ITGA9: variants seen among roughly 807,000 people sequenced by gnomAD.
ITGA9 encodes the protein integrin subunit alpha 9.
In ITGA9, 56 loss-of-function variants were observed where a neutral mutation model predicts 127.8. The observed-to-expected ratio is 0.44, with a 90% CI of 0.35 to 0.55. The LOEUF (loss-of-function observed/expected upper bound fraction) is 0.55, where lower values mean the gene tolerates loss of function less well. Among genes scored for constraint, ITGA9 ranks in the 20% least tolerant of loss-of-function variants. The probability of loss-of-function intolerance (pLI) is 0.00; values close to 1 mark genes in which losing one functional copy is unlikely to be tolerated. For synonymous variants in ITGA9, 508 were observed against 514.5 expected, an observed-to-expected ratio of 0.99 and a Z score of 0.17; for missense variants, 1,196 against 1,347.1, an observed-to-expected ratio of 0.89 and a Z score of 1.76.
At chr3:37,765,088 A>G (rs1019755208) in intron 23 of ITGA9, among the ~76,000 whole-genome samples, 1 of 152,164 alleles carries the variant, frequency 6.6e-6, no homozygotes, top group African/African-American at 2.4e-5. Flanking sequence ...TGCCGAGACC[A>G]TAGTGAGTGG....
chr3:37,499,794 G>GT (rs1698769957), intron 5 of ITGA9, among the ~76,000 whole-genome samples: 1 of 152,158 alleles, frequency 6.6e-6, no homozygotes, highest in Non-Finnish European at 1.5e-5. Context: ...AGAGCTGTTG[G>GT]TTTTAAAGGT....
chr3:37,696,716 CATG>C (rs1700888611), intron 18 of ITGA9, among the ~76,000 whole-genome samples: 1 of 152,178 alleles, frequency 6.6e-6, no homozygotes, highest in African/African-American at 2.4e-5. Context: ...CGAGTCTAAA[CATG>C]ATATTTCTGT....
chr3:37,575,223 G>C (rs1699641962), intron 15 of ITGA9, among the ~76,000 whole-genome samples: 1 of 152,134 alleles, frequency 6.6e-6, no homozygotes, highest in Admixed American at 6.5e-5. Context: ...AGATTGTCCT[G>C]TTTGCTGGTT....
chr3:37,512,017 T>C (rs941122413), intron 8 of ITGA9, among the ~76,000 whole-genome samples: 1 of 30,206 alleles, frequency 3.3e-5, no homozygotes, highest in Non-Finnish European at 7.7e-5. Context: ...TCTTTTCTTT[T>C]CTTTTCTTTT....
chr3:37,764,465 G>GAAAAA (rs1375981404), intron 23 of ITGA9, among the ~76,000 whole-genome samples: 3 of 8,674 alleles, frequency 3.5e-4, no homozygotes, highest in South Asian at 2.2e-3. Flanking sequence ...GAGATTCTCA[G>GAAAAA]TAAAAAAAAA....
chr3:37,767,023 G>A (rs780411099), intron 23 of ITGA9, among the ~76,000 whole-genome samples: 2 of 152,158 alleles, frequency 1.3e-5, no homozygotes, highest in African/African-American at 2.4e-5. Context: ...AGCCCATCCC[G>A]TTTTACAGGG....
chr3:37,822,566 T>A lies in ITGA9; in HGVS notation c.*3577T>A, dbSNP rs1390070921. The A allele has an allele frequency of 1.3e-5, 2 of 152,210 alleles. No individual in the cohort carries two copies. The highest frequency in any genetic ancestry group is 4.8e-5 in the African/African-American group (2 of 41,460). The allele number at this position is 152,210 out of a possible 1,614,324, so 9.4% of individuals were successfully genotyped here. ...TCAGCATCATGGGTACTCAGAGGTA[T>A]GGTAGACCTTGTAGAAGATCCACTA... On this transcript the variant is annotated 3_prime_UTR_variant, in exon 28 of 28. Coordinates refer to ENST00000264741, the MANE Select transcript of ITGA9 (RefSeq NM_002207.3).
At chr3:37,796,335 T>C (rs1697173272) in intron 26 of ITGA9, among the ~76,000 whole-genome samples, 1 of 152,198 alleles carries the variant, frequency 6.6e-6, no homozygotes, top group Non-Finnish European at 1.5e-5. Context: ...ATGATGCATT[T>C]ATTTTTCTAA....
At chr3:37,797,548 T>G (rs750299962) in intron 26 of ITGA9, among the ~76,000 whole-genome samples, 13 of 152,062 alleles carry the variant, frequency 8.5e-5, no homozygotes, top group Non-Finnish European at 1.8e-4. Flanking sequence ...GCAGAGTCTC[T>G]CCTTTAAAAA....
In ITGA9 at chr3:37,484,192, A is replaced by C. The variant is rs184103494; in HGVS notation, c.544+2585A>C. The stretch of plus-strand genomic sequence containing the variant: ...ATTGGCCCAGGGTGGGAAATAAGGG[A>C]TGGATGGGGCTGGCATGTGGAGTAT... On this transcript the variant is annotated intron_variant, in intron 4 of 27. Coordinates refer to ENST00000264741, the MANE Select transcript of ITGA9 (RefSeq NM_002207.3). Among the ~76,000 whole-genome samples the C allele has an allele frequency of 5.3e-3, 804 of 152,276 alleles. 13 individuals are homozygous for C. The highest frequency in any genetic ancestry group is 3.5e-3 in the Non-Finnish European group (236 of 68,028).
At chr3:37,561,928 G>C (rs955676621) in intron 15 of ITGA9, among the ~76,000 whole-genome samples, 1 of 152,156 alleles carries the variant, frequency 6.6e-6, no homozygotes, top group African/African-American at 2.4e-5. Flanking sequence ...GCACTATTGT[G>C]CTTCCTGTGT....
intron 15 of ITGA9, among the ~76,000 whole-genome samples, chr3:37,621,567 CCGA>C (rs1417165865): frequency 2.0e-5 from 3 of 152,216 alleles, no homozygotes. Context: ...ACCCCAGCCC[CCGA>C]CACACACACA....
chr3:37,515,309 C>T (rs566260534), intron 9 of ITGA9, among the ~76,000 whole-genome samples: 1 of 152,234 alleles, frequency 6.6e-6, no homozygotes, highest in Admixed American at 6.5e-5. Context: ...TCGAAGTGTA[C>T]TGTTAAGCAG....
At chr3:37,521,494 C>A (rs767463269) in intron 11 of ITGA9, among the ~76,000 whole-genome samples, 8 of 152,206 alleles carry the variant, frequency 5.3e-5, no homozygotes, top group Non-Finnish European at 1.0e-4. Flanking sequence ...CCCCTATGAT[C>A]CTTCTCTTGC....
At position 37,473,230 on chromosome 3, in the gene ITGA9, T is replaced by C. The variant is rs992417332; in HGVS notation, c.314-124T>C. ...GATTAAACAGTATAGTACATAGTGA[T>C]GGAGTTGATTTACATTTTGTGGAAA... On this transcript the variant is annotated intron_variant, in intron 2 of 27. Transcript: ENST00000264741. The C allele has an allele frequency of 5.7e-6, 4 of 697,404 alleles. No individual in the cohort carries two copies. The Admixed American group carries it at 8.2e-5, about 14-fold the overall frequency. 43.2% of individuals were successfully genotyped at this position (697,404 alleles called of 1,614,324 possible). A position where few individuals can be genotyped will look rare whatever the true frequency, so the allele number is the denominator to read the frequency against.
In ITGA9 at chr3:37,582,555, A is replaced by T. The variant is rs975231769; in HGVS notation, c.1689+39970A>T. Among the ~76,000 whole-genome samples the T allele has an allele frequency of 3.3e-5, 5 of 152,194 alleles. No homozygotes were observed. In the South Asian group the frequency reaches 1.0e-3, roughly 32 times the overall value. On this transcript the variant is annotated intron_variant, in intron 15 of 27. Transcript: ENST00000264741. Reference sequence around the variant, plus strand: ...GTTTTTCTCAGTAGAGTAAGTAGTGACTGCCTAGGTGGCAGGATTTTGGAT... The same window carrying T: ...GTTTTTCTCAGTAGAGTAAGTAGTGTCTGCCTAGGTGGCAGGATTTTGGAT...
At chr3:37,556,636 G>A (rs1036066584) in intron 15 of ITGA9, among the ~76,000 whole-genome samples, 2 of 152,220 alleles carry the variant, frequency 1.3e-5, no homozygotes, top group Non-Finnish European at 2.9e-5. Context: ...GATCTGAGGT[G>A]AATTTCTAGC....
intron 15 of ITGA9, among the ~76,000 whole-genome samples, chr3:37,542,854 G>T (rs1699288186): frequency 6.6e-6 from 1 of 152,050 alleles, no homozygotes; most frequent in Non-Finnish European, 1.5e-5. Flanking sequence ...TCTTTTGAGA[G>T]GTTTCTCATC....
intron 21 of ITGA9, among the ~76,000 whole-genome samples, chr3:37,742,206 G>C (rs893987110): frequency 2.6e-5 from 4 of 152,202 alleles, no homozygotes; most frequent in African/African-American, 9.6e-5. Flanking sequence ...TGCTGGGCCA[G>C]AGATTATCAC....
Sources: allele counts gnomAD v4.1 joint callset (sites outside exome capture counted in the v4.1 genomes callset), GRCh38; gene constraint gnomAD v4.1.1; transcripts MANE v1.5; gene names NCBI Gene and HGNC (gene_info 2026-07-23, HGNC 2026-07-21).